Variants in DNAH9 observed in about 807,000 individuals in gnomAD.
The protein encoded by DNAH9 is DNAH9 variant protein.
DNAH9 carries 345 observed loss-of-function variants against 471.6 expected under a neutral mutation model. That is an observed-to-expected ratio of 0.73 (90% CI 0.67 to 0.80). The LOEUF (loss-of-function observed/expected upper bound fraction) is 0.80. DNAH9 is among the 30% of genes least tolerant of loss of function. DNAH9 has a pLI of 0.00. For missense variants in DNAH9, 5,407 were observed against 5,609.2 expected (o/e 0.96, Z 1.15); for synonymous variants, 2,093 against 2,123.6 (o/e 0.99, Z 0.40).
At chr17:11,782,379 C>A (rs1024617539) in intron 39 of DNAH9, among the ~76,000 whole-genome samples, 2 of 152,124 alleles carry the variant, frequency 1.3e-5, no homozygotes, top group Non-Finnish European at 2.9e-5. Context: ...TTTGATCTTC[C>A]CACCACACCT....
intron 14 of DNAH9, 45 bp from the exon 15 acceptor site, chr17:11,664,788 C>T (rs199764486): frequency 1.3e-6 from 2 of 1,536,650 alleles, no homozygotes; most frequent in African/African-American, 2.7e-5. Flanking sequence ...CCAGTTCTTT[C>T]ATGCTATTAA....
At chr17:11,613,477 C>T (rs1381068403) in intron 4 of DNAH9, among the ~76,000 whole-genome samples, 5 of 152,052 alleles carry the variant, frequency 3.3e-5, no homozygotes, top group South Asian at 4.1e-4. Context: ...AAAAATTAGC[C>T]GGGCGTAGTC....
intron 12 of DNAH9, among the ~76,000 whole-genome samples, chr17:11,649,217 A>G (rs1473040168): frequency 1.3e-5 from 2 of 152,130 alleles, no homozygotes; most frequent in African/African-American, 4.8e-5. Flanking sequence ...GGGACAGGAT[A>G]AGAATTGTAT....
rs1429926364 is a variant in DNAH9 at position 11,689,983 on chromosome 17, G to A, written c.4161G>A (p.Arg1387=). Reference sequence around the variant, plus strand: ...CAGCCATCCGGGAGCGGCACTGGAGGCAGCTGATGCAGGCCACCGGTGTGA... The same window carrying A: ...CAGCCATCCGGGAGCGGCACTGGAGACAGCTGATGCAGGCCACCGGTGTGA... ...QNPAIRERHW[R]QLMQATGVSF... Residue 1387 remains arginine (R), a synonymous_variant, in exon 20 of 69, where the codon AGG becomes AGA. Coordinates refer to ENST00000262442, the MANE Select transcript of DNAH9 (RefSeq NM_001372.4). 6.2e-7 allele frequency: 1 copy of A among 1,614,102 alleles called. No individual in the cohort carries two copies. The highest frequency in any genetic ancestry group is 1.7e-5 in the Admixed American group (1 of 60,016).
intron 7 of DNAH9, chr17:11,630,380 C>T (rs2073044473): frequency 6.6e-6 from 1 of 152,576 alleles, no homozygotes; most frequent in Non-Finnish European, 1.5e-5. Flanking sequence ...TTGCAGTGAG[C>T]CGAGATCGCG....
chr17:11,690,804 G>A (rs2074322450), intron 20 of DNAH9, among the ~76,000 whole-genome samples: 1 of 152,146 alleles, frequency 6.6e-6, no homozygotes, highest in Non-Finnish European at 1.5e-5. Flanking sequence ...CACTGAAAGC[G>A]AGTCTCGTTT....
intron 45 of DNAH9, among the ~76,000 whole-genome samples, chr17:11,815,417 C>T (rs1970063224): frequency 6.6e-6 from 1 of 152,110 alleles, no homozygotes; most frequent in Non-Finnish European, 1.5e-5. Flanking sequence ...GCCAACACTC[C>T]TTAACTTATC....
chr17:11,790,739 T>G (rs1246419989), intron 41 of DNAH9, among the ~76,000 whole-genome samples: 1 of 152,040 alleles, frequency 6.6e-6, no homozygotes, highest in Admixed American at 6.6e-5. Context: ...TCCTTTCTTC[T>G]CACTTCTTGT....
chr17:11,752,359 G>C (rs1967192509), intron 32 of DNAH9, among the ~76,000 whole-genome samples: 1 of 152,154 alleles, frequency 6.6e-6, no homozygotes, highest in South Asian at 2.1e-4. Context: ...GTACTATCAG[G>C]AGTTGTTCTT....
chr17:11,766,094 G>C (rs1322109925), intron 36 of DNAH9, among the ~76,000 whole-genome samples: 1 of 152,152 alleles, frequency 6.6e-6, no homozygotes, highest in Non-Finnish European at 1.5e-5. Context: ...GAGGACAAGG[G>C]AGAAAGCTTT....
intron 19 of DNAH9, among the ~76,000 whole-genome samples, chr17:11,683,993 G>A (rs191015084): frequency 6.6e-6 from 1 of 152,176 alleles, no homozygotes; most frequent in Admixed American, 6.5e-5. Flanking sequence ...AAATTTGTAG[G>A]TATTATGTGT....
intron 19 of DNAH9, among the ~76,000 whole-genome samples, chr17:11,681,362 G>A (rs928683317): frequency 6.6e-6 from 1 of 152,150 alleles, no homozygotes; most frequent in East Asian, 1.9e-4. Context: ...ACACCTCCCT[G>A]CTTGTTATGA....
chr17:11,690,466 T>C (rs1209621590), intron 20 of DNAH9, 30 bp downstream of exon 20: 21 of 1,594,094 alleles, frequency 1.3e-5, no homozygotes, highest in Non-Finnish European at 1.5e-5. Flanking sequence ...AGAATCTCTC[T>C]ATTCTCTGAT....
intron 10 of DNAH9, 101 bp downstream of exon 10, chr17:11,640,485 A>G: frequency 1.2e-6 from 1 of 817,644 alleles, no homozygotes. Flanking sequence ...GAAGGCCAGA[A>G]AATCATCTTC....
chr17:11,606,576 A>AGTAGCTGGGC (rs66523620), intron 1 of DNAH9, among the ~76,000 whole-genome samples: 1 of 37,198 alleles, frequency 2.7e-5, no homozygotes, highest in Non-Finnish European at 7.5e-5. Context: ...AGCCTCCTGA[A>AGTAGCTGGGC]GTAGCTGGGA....
intron 38 of DNAH9, among the ~76,000 whole-genome samples, chr17:11,780,349 C>T (rs188832221): frequency 6.6e-6 from 1 of 152,294 alleles, no homozygotes; most frequent in Admixed American, 6.5e-5. Context: ...GAGATGAACT[C>T]TCTGGGAACA....
intron 67 of DNAH9, among the ~76,000 whole-genome samples, chr17:11,961,540 G>A (rs911328421): frequency 1.3e-5 from 2 of 152,088 alleles, no homozygotes; most frequent in African/African-American, 4.8e-5. Context: ...CTAAGGTCAT[G>A]TGGCACTGAA....
At chr17:11,671,412 G>T (rs190135660) in intron 17 of DNAH9, among the ~76,000 whole-genome samples, 439 of 152,274 alleles carry the variant, frequency 2.9e-3, no homozygotes, top group African/African-American at 4.5e-3. Flanking sequence ...GCAGAGGGGG[G>T]GCAGAGAATA....
intron 17 of DNAH9, among the ~76,000 whole-genome samples, chr17:11,678,664 T>G (rs1305293296): frequency 9.8e-6 from 1 of 102,342 alleles, no homozygotes; most frequent in African/African-American, 4.1e-5. Context: ...ATTTTAAGAT[T>G]TTTTTTTTCT....
Sources: gnomAD v4.1 joint callset for allele counts (sites outside exome capture counted in the v4.1 genomes callset) on GRCh38, gnomAD v4.1.1 for gene constraint, MANE v1.5 for transcripts, NCBI Gene and HGNC (gene_info 2026-07-23, HGNC 2026-07-21) for gene names.